The following NXPE3 variants were observed in gnomAD, a reference collection of about 807,000 sequenced individuals.
NXPE3 encodes NXPE family member 3.
A neutral mutation model predicts 46.1 loss-of-function variants in NXPE3; 26 were observed. That is an observed-to-expected ratio of 0.56 (90% CI 0.41 to 0.78). The LOEUF (loss-of-function observed/expected upper bound fraction) is 0.78, where lower values mean the gene tolerates loss of function less well. NXPE3 is among the 30% of genes least tolerant of loss of function. The pLI is 0.00. For synonymous variants in NXPE3, 272 were observed against 257.9 expected, an observed-to-expected ratio of 1.05 and a Z score of -0.52; for missense variants, 620 against 686.0, an observed-to-expected ratio of 0.90 and a Z score of 1.07.
rs907613299 is a variant in NXPE3, at chr3:101,822,839, T to C, written c.*885T>C. The stretch of plus-strand genomic sequence containing the variant: ...GTTTTTTCCACTAGTTTCAGGTGTT[T>C]TTTTTTTTGTTGTTGTTGTTGTTAT... On this transcript the variant is annotated 3_prime_UTR_variant, in exon 8 of 8. Coordinates refer to ENST00000273347, the MANE Select transcript of NXPE3 (RefSeq NM_145037.4). 2 of 123,858 alleles carry C rather than the reference T, an allele frequency of 1.6e-5. No individual in the cohort carries two copies. The highest frequency in any genetic ancestry group is 5.9e-5 in the African/African-American group (2 of 33,954). The allele number at this position is 123,858 out of a possible 1,614,324, so 7.7% of individuals were successfully genotyped here.
Position 101,822,019 on chromosome 3 carries a change from AAG to A in NXPE3, c.*66_*67del. 1 of 1,480,436 alleles carries A rather than the reference AAG, an allele frequency of 6.8e-7. No individual in the cohort carries two copies. Among genetic ancestry groups the A allele is most frequent in the Admixed American group, 1.9e-5 (1 of 52,166 alleles). 91.7% of individuals were successfully genotyped at this position (1,480,436 alleles called of 1,614,324 possible). ...CTTCTCAATTGACCTGAGTTACAGA[AAG>A]TGGCCCCAGTGAGAGATGACTGCCC... On this transcript the variant is annotated 3_prime_UTR_variant, in exon 8 of 8. Coordinates refer to ENST00000273347, the MANE Select transcript of NXPE3 (RefSeq NM_145037.4).
In NXPE3 at chr3:101,802,000, C is replaced by T. The variant is rs773138681; in HGVS notation, c.848+11C>T. Reference sequence around the variant, plus strand: ...TGCTTTCTTCCAGAGGTATGTACTGCTTTTTCTTGGGGATGATTTGAAGAG... The same window carrying T: ...TGCTTTCTTCCAGAGGTATGTACTGTTTTTTCTTGGGGATGATTTGAAGAG... On this transcript the variant is annotated intron_variant, in intron 5 of 7. Coordinates refer to ENST00000273347, the MANE Select transcript of NXPE3 (RefSeq NM_145037.4). The T allele has an allele frequency of 1.3e-6, 2 of 1,575,206 alleles. No individual in the cohort carries two copies. Among genetic ancestry groups the T allele is most frequent in the South Asian group, 2.3e-5 (2 of 86,770 alleles).
intron 3 of NXPE3, among the ~76,000 whole-genome samples, chr3:101,783,596 C>G (rs1293451060): frequency 6.6e-6 from 1 of 152,198 alleles, no homozygotes; most frequent in African/African-American, 2.4e-5. Context: ...CCCTTGCCTT[C>G]TTTCTGCATC....
Position 101,797,477 on chromosome 3 carries a change from G to T in NXPE3, c.94-3758G>T, listed in dbSNP as rs537319914. Among the ~76,000 whole-genome samples the T allele has an allele frequency of 2.5e-3, 355 of 143,000 alleles. 1 individual carries two copies. The highest frequency in any genetic ancestry group is 3.8e-3 in the Non-Finnish European group (251 of 65,616). 93.8% of individuals were successfully genotyped at this position (143,000 alleles called of 152,430 possible). On this transcript the variant is annotated intron_variant, in intron 4 of 7. Coordinates refer to ENST00000273347, the MANE Select transcript of NXPE3 (RefSeq NM_145037.4). ...TTAGGGTACATGTGCACATTGTGCA[G>T]GTTAGTTACATATGTATACATGTGC...
At position 101,823,994 on chromosome 3, in the gene NXPE3, G is replaced by A. The variant is rs1291293512; in HGVS notation, c.*2040G>A. The A allele has an allele frequency of 1.3e-5, 2 of 152,262 alleles. No homozygotes were observed. The highest frequency in any genetic ancestry group is 1.5e-5 in the Non-Finnish European group (1 of 68,388). 9.4% of individuals were successfully genotyped at this position (152,262 alleles called of 1,614,324 possible). A position where few individuals can be genotyped will look rare whatever the true frequency, so the allele number is the denominator to read the frequency against. ...TAGTCCCCGCTACTTAGGAGGCTGA[G>A]GTGGGAGGATTGCTTGAGCCCAGGA... On this transcript the variant is annotated 3_prime_UTR_variant, in exon 8 of 8. Coordinates refer to ENST00000273347, the MANE Select transcript of NXPE3 (RefSeq NM_145037.4).
chr3:101,785,446 C>G lies in NXPE3; in HGVS notation c.-151C>G, dbSNP rs1198153482. On this transcript the variant is annotated 5_prime_UTR_variant, in exon 4 of 8. Coordinates refer to ENST00000273347, the MANE Select transcript of NXPE3 (RefSeq NM_145037.4). ...GTGCTTCTTGAATCAACTGCAGTCT[C>G]TCCTCTGCATAAGAGCTCTTAAGGG... is the stretch of plus-strand genomic sequence containing the variant. 6.6e-5 allele frequency: 43 copies of G among 647,106 alleles called. No individual in the cohort carries two copies. The highest frequency in any genetic ancestry group is 5.6e-6 in the Non-Finnish European group (2 of 359,406). The allele number at this position is 647,106 out of a possible 1,614,324, so 40.1% of individuals were successfully genotyped here.
chr3:101,790,311 G>A (rs1367094969), intron 4 of NXPE3, among the ~76,000 whole-genome samples: 1 of 152,134 alleles, frequency 6.6e-6, no homozygotes, highest in African/African-American at 2.4e-5. Context: ...ATCAGTTATT[G>A]AAAGGAGAAT....
chr3:101,801,872 G>A lies in NXPE3; in HGVS notation c.731G>A (p.Gly244Glu). 2.5e-6 allele frequency: 4 copies of A among 1,614,154 alleles called. No individual in the cohort carries two copies. The highest frequency in any genetic ancestry group is 3.4e-6 in the Non-Finnish European group (4 of 1,180,036). The change falls in exon 5 of 8, where the codon GGG (glycine) becomes GAG (glutamate). Residue 244 changes from glycine (G) to glutamate (E), a missense_variant. By Grantham distance (98) the Gly-to-Glu change is moderately conservative. Around this residue, in one of 3 missense-constraint regions of NXPE3, gnomAD observed 511 missense variants for 528.6 expected, o/e 0.97. Coordinates refer to ENST00000273347, the MANE Select transcript of NXPE3 (RefSeq NM_145037.4). ...TGTAACTTTACAGACCTCTACACTGGGGAGCCCTGGTTCTGCTTCAAACCA... is the reference window on the plus strand; with the variant it reads ...TGTAACTTTACAGACCTCTACACTGAGGAGCCCTGGTTCTGCTTCAAACCA... ...PLCNFTDLYT[G>E]EPWFCFKPKK...
chr3:101,797,131 A>G (rs541384375), intron 4 of NXPE3, among the ~76,000 whole-genome samples: 1 of 152,326 alleles, frequency 6.6e-6, no homozygotes, highest in East Asian at 1.9e-4. Context: ...GAAATTTCAA[A>G]GAATGGAGAA....
chr3:101,826,438 T>C lies in NXPE3; in HGVS notation c.*4484T>C, dbSNP rs1942489175. On this transcript the variant is annotated 3_prime_UTR_variant, in exon 8 of 8. Transcript: ENST00000273347. ...TTCCACTTCAAGTGTATTTATTTTCTTGTGTTAAGCATTATTCTACCTGGT... is the reference window on the plus strand; with the variant it reads ...TTCCACTTCAAGTGTATTTATTTTCCTGTGTTAAGCATTATTCTACCTGGT... 6.6e-6 allele frequency: 1 copy of C among 152,230 alleles called. No individual in the cohort carries two copies. The highest frequency in any genetic ancestry group is 2.1e-4 in the South Asian group (1 of 4,834). 9.4% of individuals were successfully genotyped at this position (152,230 alleles called of 1,614,324 possible). A position where few individuals can be genotyped will look rare whatever the true frequency, so the allele number is the denominator to read the frequency against.
chr3:101,799,137 G>T (rs1263751553), intron 4 of NXPE3, among the ~76,000 whole-genome samples: 2 of 151,924 alleles, frequency 1.3e-5, no homozygotes, highest in East Asian at 3.9e-4. Context: ...TGGGGGTCTT[G>T]CTATGTTTCC....
chr3:101,808,804 T>G (rs1268070754), intron 6 of NXPE3, among the ~76,000 whole-genome samples: 2 of 119,250 alleles, frequency 1.7e-5, no homozygotes, highest in Admixed American at 1.8e-4. Context: ...CCAAATGAAT[T>G]ACTAATTTTA....
chr3:101,803,144 T>C (rs1941245713), intron 5 of NXPE3, among the ~76,000 whole-genome samples: 1 of 152,192 alleles, frequency 6.6e-6, no homozygotes, highest in Non-Finnish European at 1.5e-5. Flanking sequence ...TTTTGTTGGA[T>C]AAAAGGGAGG....
At chr3:101,818,745 ATATATATATT>A (rs1942100351) in intron 7 of NXPE3, among the ~76,000 whole-genome samples, 8 of 21,686 alleles carry the variant, frequency 3.7e-4, no homozygotes, top group Non-Finnish European at 5.9e-4. Flanking sequence ...ATATATATAT[ATATATATATT>A]TTTTTTTTTT....
chr3:101,780,390 G>A (rs1939744001), intron 1 of NXPE3, among the ~76,000 whole-genome samples: 1 of 152,186 alleles, frequency 6.6e-6, no homozygotes. Context: ...CTGAAGTGGG[G>A]TTAGCCTTCC....
intron 4 of NXPE3, among the ~76,000 whole-genome samples, chr3:101,786,341 C>T (rs1438806645): frequency 6.6e-6 from 1 of 152,172 alleles, no homozygotes; most frequent in African/African-American, 2.4e-5. Flanking sequence ...ATTACATATC[C>T]AACTTAATTA....
intron 5 of NXPE3, among the ~76,000 whole-genome samples, chr3:101,805,596 T>TA (rs1421575450): frequency 6.6e-6 from 1 of 152,034 alleles, no homozygotes; most frequent in Non-Finnish European, 1.5e-5. Context: ...CGCACCACCA[T>TA]AGCTGGCTAA....
At chr3:101,813,752 A>G (rs1023931288) in intron 6 of NXPE3, among the ~76,000 whole-genome samples, 1 of 152,210 alleles carries the variant, frequency 6.6e-6, no homozygotes, top group Non-Finnish European at 1.5e-5. Flanking sequence ...CCATGTGAAT[A>G]GTACATTAGG....
At chr3:101,817,880 G>A (rs1942039305) in intron 7 of NXPE3, among the ~76,000 whole-genome samples, 1 of 152,026 alleles carries the variant, frequency 6.6e-6, no homozygotes, top group African/African-American at 2.4e-5. Flanking sequence ...TATTTATTAT[G>A]TCAACTTAGT....
Sources: gnomAD v4.1 joint callset for allele counts (sites outside exome capture counted in the v4.1 genomes callset) on GRCh38, gnomAD v4.1.1 for gene constraint, gnomAD v4.1.1 regional missense constraint, MANE v1.5 for transcripts, NCBI Gene and HGNC (gene_info 2026-07-23, HGNC 2026-07-21) for gene names.